Variants in RIPOR2 observed in about 807,000 individuals in gnomAD.
RIPOR2 encodes the protein RHO family interacting cell polarization regulator 2.
In RIPOR2, 39 loss-of-function variants were observed where a neutral mutation model predicts 114.5. The ratio of observed to expected loss-of-function variants is 0.34; its 90% CI spans 0.26 to 0.44. RIPOR2 has a LOEUF of 0.44. Among genes scored for constraint, RIPOR2 ranks in the 20% least tolerant of loss-of-function variants. The pLI is 1.00. For synonymous variants in RIPOR2, 445 were observed against 484.4 expected (o/e 0.92, Z 1.07); for missense variants, 1,007 against 1,255.1 (o/e 0.80, Z 2.99).
chr6:24,928,505 A>G (rs1771135734), intron 1 of RIPOR2, among the ~76,000 whole-genome samples: 1 of 152,210 alleles, frequency 6.6e-6, no homozygotes, highest in South Asian at 2.1e-4. Flanking sequence ...TGTGATCTGA[A>G]AGGCAAGTTA....
intron 1 of RIPOR2, among the ~76,000 whole-genome samples, chr6:24,919,352 G>A (rs1311047016): frequency 6.6e-6 from 1 of 152,244 alleles, no homozygotes; most frequent in African/African-American, 2.4e-5. Flanking sequence ...GGTCATTCAT[G>A]CTAAGGCTGC....
chr6:24,953,245 C>A (rs540137718), intron 1 of RIPOR2, among the ~76,000 whole-genome samples: 173 of 152,274 alleles, frequency 1.1e-3, no homozygotes, highest in Middle Eastern at 3.4e-3. Flanking sequence ...AGACAGGAGA[C>A]TCTCTTGAAC....
chr6:24,875,735 G>A lies in RIPOR2; in HGVS notation c.144C>T (p.Ser48=), dbSNP rs766026200. Residue 48 remains serine, a synonymous_variant, in exon 2 of 22, where the codon AGC becomes AGT. Coordinates refer to ENST00000643898, the MANE Select transcript of RIPOR2 (RefSeq NM_001286445.3). The stretch of plus-strand genomic sequence containing the variant: ...GGCCGCTGAAACCCGCAAAGGACTG[G>A]CTTCTAATGATCCCATTGGGCCCTC... The part of the protein sequence containing the change: ...SPGGPNGIIR[S]QSFAGFSGLQ... The A allele has an allele frequency of 1.2e-6, 2 of 1,613,622 alleles. No homozygotes were observed. Among genetic ancestry groups the A allele is most frequent in the Non-Finnish European group, 1.7e-6 (2 of 1,179,740 alleles).
intron 1 of RIPOR2, among the ~76,000 whole-genome samples, chr6:25,015,996 TG>T (rs1775973905): frequency 1.4e-5 from 2 of 144,030 alleles, no homozygotes; most frequent in Admixed American, 7.3e-5. Context: ...CTCCACCTCC[TG>T]GGTTCAAGCC....
chr6:25,019,405 G>A lies in RIPOR2; in HGVS notation c.76+22446C>T, dbSNP rs1033362833. The stretch of plus-strand genomic sequence containing the variant: ...ATACTCTAGGATCAAACATAAAGCA[G>A]CCTTTTCTATGAAAATAATCAGGAA... On this transcript the variant is annotated intron_variant, in intron 1 of 13. Transcript: ENST00000510784. Among the ~76,000 whole-genome samples the A allele has an allele frequency of 3.3e-5, 5 of 152,256 alleles. No homozygotes were observed. The East Asian group carries it at 7.7e-4, about 24-fold the overall frequency.
intron 1 of RIPOR2, among the ~76,000 whole-genome samples, chr6:24,971,448 C>T (rs1235016929): frequency 2.6e-5 from 4 of 152,244 alleles, no homozygotes; most frequent in Admixed American, 1.3e-4. Flanking sequence ...GGCAGGAGTG[C>T]TCTCGCAGCC....
chr6:24,881,244 T>C (rs1562307465), intron 1 of RIPOR2, among the ~76,000 whole-genome samples: 1 of 152,166 alleles, frequency 6.6e-6, no homozygotes, highest in Non-Finnish European at 1.5e-5. Context: ...TGAAAAATGT[T>C]TCCAGTCTCT....
chr6:25,006,298 A>G (rs78902227), intron 1 of RIPOR2, among the ~76,000 whole-genome samples: 8,385 of 152,312 alleles, frequency 0.055, 508 homozygotes, highest in African/African-American at 0.14. Flanking sequence ...CTATAATACC[A>G]GCCAGCACTT....
chr6:25,001,730 C>T (rs141637274), intron 1 of RIPOR2, among the ~76,000 whole-genome samples: 3,327 of 136,658 alleles, frequency 0.024, 79 homozygotes, highest in African/African-American at 0.059. Flanking sequence ...AACATAGTCT[C>T]GCTCTGTCGC....
In RIPOR2 at chr6:24,818,530, G is replaced by T; in HGVS notation, c.2952+12C>A. The T allele has an allele frequency of 1.9e-6, 3 of 1,538,974 alleles. No individual in the cohort carries two copies. The South Asian group carries it at 3.6e-5, about 19-fold the overall frequency. ...GCTGAGCTGCCAGGGGAGCTCCAAG[G>T]CTGGGCTTTACCTCAAGGATTTTCA... is the stretch of plus-strand genomic sequence containing the variant. On this transcript the variant is annotated intron_variant, in intron 20 of 21. Coordinates refer to ENST00000643898, the MANE Select transcript of RIPOR2 (RefSeq NM_001286445.3).
At chr6:24,917,413 G>A (rs1046708978) in intron 1 of RIPOR2, among the ~76,000 whole-genome samples, 1 of 152,214 alleles carries the variant, frequency 6.6e-6, no homozygotes, top group Non-Finnish European at 1.5e-5. Flanking sequence ...ATGTATTATT[G>A]CACAAAGGTA....
intron 7 of RIPOR2, 96 bp downstream of exon 7, chr6:24,865,205 G>A: frequency 9.8e-7 from 1 of 1,021,476 alleles, no homozygotes; most frequent in Non-Finnish European, 1.4e-6. Context: ...GTGGAATGAG[G>A]TTGTGGGTTG....
intron 1 of RIPOR2, among the ~76,000 whole-genome samples, chr6:24,901,053 G>A (rs1768392056): frequency 6.6e-6 from 1 of 152,114 alleles, no homozygotes; most frequent in South Asian, 2.1e-4. Flanking sequence ...CCTTGCCTGT[G>A]TACCTACACT....
chr6:24,954,253 C>G (rs1772923577), intron 1 of RIPOR2, among the ~76,000 whole-genome samples: 1 of 152,140 alleles, frequency 6.6e-6, no homozygotes, highest in Non-Finnish European at 1.5e-5. Context: ...AATATTTTCT[C>G]TTATCGCTAG....
intron 1 of RIPOR2, among the ~76,000 whole-genome samples, chr6:24,909,703 A>T (rs1219589871): frequency 6.6e-6 from 1 of 152,116 alleles, no homozygotes; most frequent in Non-Finnish European, 1.5e-5. Context: ...AAGCGTGTGG[A>T]CGTAAGAGGG....
intron 1 of RIPOR2, among the ~76,000 whole-genome samples, chr6:24,975,246 A>G (rs567527673): frequency 6.6e-6 from 1 of 152,370 alleles, no homozygotes; most frequent in African/African-American, 2.4e-5. Flanking sequence ...AGAAGTTTAA[A>G]CACAAAGAAT....
At chr6:24,946,874 TGTTAA>T (rs1772444853) in intron 1 of RIPOR2, among the ~76,000 whole-genome samples, 1 of 152,206 alleles carries the variant, frequency 6.6e-6, no homozygotes, top group African/African-American at 2.4e-5. Flanking sequence ...ATTCAGGACT[TGTTAA>T]GTTGATTTTG....
chr6:24,982,764 A>C (rs75191354), intron 1 of RIPOR2, among the ~76,000 whole-genome samples: 1 of 152,242 alleles, frequency 6.6e-6, no homozygotes, highest in African/African-American at 2.4e-5. Context: ...AAAGAAAAAT[A>C]GCTCAGAGCA....
chr6:24,849,494 T>C (rs928531319), intron 11 of RIPOR2, among the ~76,000 whole-genome samples: 1 of 152,170 alleles, frequency 6.6e-6, no homozygotes, highest in African/African-American at 2.4e-5. Flanking sequence ...CATATGCCCT[T>C]ATATATTTAA....
Sources: allele counts gnomAD v4.1 joint callset (sites outside exome capture counted in the v4.1 genomes callset), GRCh38; gene constraint gnomAD v4.1.1; transcripts MANE v1.5; gene names NCBI Gene and HGNC (gene_info 2026-07-23, HGNC 2026-07-21).